The following OSBPL2 variants were observed in gnomAD, a reference collection of about 807,000 sequenced individuals.
OSBPL2 encodes the protein oxysterol binding protein like 2, also known as oxysterol-binding protein-related protein 2.
Under a neutral mutation model 58.4 loss-of-function variants are expected in OSBPL2, and 18 were observed. The ratio of observed to expected loss-of-function variants is 0.31; its 90% CI spans 0.21 to 0.46. The LOEUF (loss-of-function observed/expected upper bound fraction) is 0.46. Among genes scored for constraint, OSBPL2 ranks in the 20% least tolerant of loss-of-function variants. The probability of loss-of-function intolerance (pLI) is 1.00; values close to 1 mark genes in which losing one functional copy is unlikely to be tolerated. For missense variants in OSBPL2, 461 were observed against 616.5 expected (o/e 0.75, Z 2.67); for synonymous variants, 221 against 234.1 (o/e 0.94, Z 0.51).
intron 12 of OSBPL2, among the ~76,000 whole-genome samples, chr20:62,290,407 T>C (rs1031414333): frequency 3.2e-5 from 4 of 125,662 alleles, no homozygotes; most frequent in African/African-American, 1.2e-4. Flanking sequence ...GGCTAATTTT[T>C]TGGGTTTTTT....
intron 12 of OSBPL2, chr20:62,291,131 G>A (rs1983480010): frequency 5.7e-6 from 1 of 176,250 alleles, no homozygotes; most frequent in Non-Finnish European, 1.2e-5. Flanking sequence ...CCTAAGTGCT[G>A]GGATGCAGGC....
intron 1 of OSBPL2, among the ~76,000 whole-genome samples, chr20:62,253,093 A>G (rs906877702): frequency 6.6e-6 from 1 of 152,202 alleles, no homozygotes; most frequent in African/African-American, 2.4e-5. Flanking sequence ...TGGCAGTGTC[A>G]TCTCTCCCCG....
chr20:62,293,885 TGAGGGCCTGG>T lies in OSBPL2; in HGVS notation c.1442_*8del. The T allele has an allele frequency of 6.2e-7, 1 of 1,613,672 alleles. No individual in the cohort carries two copies. ...TTTCTCCGACTGCCCAGATATCTAC[TGAGGGCCTGG>T]AGGGGCCTGGGGCCCGGGACCGGAG... On this transcript the variant is annotated stop_retained_variant and 3_prime_UTR_variant, in exon 14 of 14. Transcript: ENST00000313733.
intron 7 of OSBPL2, chr20:62,280,003 A>G (rs1982679560): frequency 1.5e-6 from 2 of 1,304,096 alleles, no homozygotes; most frequent in Non-Finnish European, 2.0e-6. Flanking sequence ...ATGCTCCCCA[A>G]TCCAGTGTCA....
At chr20:62,261,316 C>CAA (rs11484468) in intron 3 of OSBPL2, among the ~76,000 whole-genome samples, 984 of 85,364 alleles carry the variant, frequency 0.012, 11 homozygotes, top group African/African-American at 0.034. Context: ...ACTCCATCTC[C>CAA]AAAAAAAAAA....
At chr20:62,280,772 G>A (rs541680097) in intron 7 of OSBPL2, among the ~76,000 whole-genome samples, 1 of 152,224 alleles carries the variant, frequency 6.6e-6, no homozygotes. Context: ...TTCTTTTGAC[G>A]ACTTCACAGG....
intron 9 of OSBPL2, among the ~76,000 whole-genome samples, chr20:62,283,559 C>G (rs1982921104): frequency 6.6e-6 from 1 of 152,214 alleles, no homozygotes. Context: ...AACCAAAGAT[C>G]AAGCAAGCAG....
intron 1 of OSBPL2, among the ~76,000 whole-genome samples, chr20:62,254,427 C>G (rs1223586397): frequency 6.6e-6 from 1 of 152,266 alleles, no homozygotes; most frequent in Non-Finnish European, 1.5e-5. Context: ...AGCAACTTCT[C>G]CCGTCTGCAA....
intron 1 of OSBPL2, among the ~76,000 whole-genome samples, chr20:62,248,839 G>A (rs1404620073): frequency 6.6e-6 from 1 of 152,072 alleles, no homozygotes; most frequent in African/African-American, 2.4e-5. Flanking sequence ...TTATAGGCAC[G>A]TGCCACTGTG....
At chr20:62,263,743 G>A (rs1394033940) in intron 4 of OSBPL2, 52 bp downstream of exon 4, 4 of 1,509,278 alleles carry the variant, frequency 2.7e-6, no homozygotes, top group Non-Finnish European at 3.7e-6. Flanking sequence ...TGACTCCTGG[G>A]AAGGTATTGC....
intron 5 of OSBPL2, among the ~76,000 whole-genome samples, 188 bp downstream of exon 5, chr20:62,272,447 C>G (rs889408152): frequency 6.6e-6 from 1 of 152,146 alleles, no homozygotes; most frequent in Non-Finnish European, 1.5e-5. Flanking sequence ...CAGAACTTGC[C>G]GGAAATGCCA....
chr20:62,268,744 A>C (rs1981859013), intron 4 of OSBPL2, among the ~76,000 whole-genome samples: 2 of 152,078 alleles, frequency 1.3e-5, no homozygotes, highest in Admixed American at 6.5e-5. Context: ...GGACTACAGG[A>C]ACCCACCACC....
At chr20:62,259,817 G>A (rs1057232054) in intron 2 of OSBPL2, among the ~76,000 whole-genome samples, 164 bp from the exon 3 acceptor site, 1 of 152,166 alleles carries the variant, frequency 6.6e-6, no homozygotes, top group Non-Finnish European at 1.5e-5. Flanking sequence ...TGTTCTCTCT[G>A]TACCGTGTCT....
chr20:62,244,246 C>G (rs1359189918), intron 1 of OSBPL2, among the ~76,000 whole-genome samples: 1 of 152,246 alleles, frequency 6.6e-6, no homozygotes, highest in African/African-American at 2.4e-5. Context: ...ACCGCGTCCT[C>G]CGCCTGCTGT....
intron 13 of OSBPL2, among the ~76,000 whole-genome samples, chr20:62,292,956 C>T (rs1983619391): frequency 6.6e-6 from 1 of 151,744 alleles, no homozygotes; most frequent in South Asian, 2.1e-4. Context: ...CAAGCTCCGC[C>T]CCTCCGGGTT....
In OSBPL2 at chr20:62,269,454, T is replaced by A. The variant is rs1601176488; in HGVS notation, c.259-2671T>A. Among the ~76,000 whole-genome samples the A allele has an allele frequency of 2.0e-5, 3 of 152,316 alleles. 1 individual carries two copies. The highest frequency in any genetic ancestry group is 2.0e-4 in the Admixed American group (3 of 15,308). ...AGCCCAGTCCCCTCGTGGGGCTGCATCACTGTGCATTTCCACAGCAGCCGG... is the reference window on the plus strand; with the variant it reads ...AGCCCAGTCCCCTCGTGGGGCTGCAACACTGTGCATTTCCACAGCAGCCGG... On this transcript the variant is annotated intron_variant, in intron 4 of 13. Transcript: ENST00000313733. The surrounding 1 kb of genome is among the most constrained non-coding windows in gnomAD (Gnocchi z 4.2).
intron 4 of OSBPL2, among the ~76,000 whole-genome samples, chr20:62,268,216 C>G (rs569126395): frequency 2.6e-5 from 4 of 152,212 alleles, no homozygotes; most frequent in Non-Finnish European, 5.9e-5. Flanking sequence ...CATTTTAAAA[C>G]CACCTGGGTG....
intron 4 of OSBPL2, among the ~76,000 whole-genome samples, chr20:62,265,385 T>TC (rs1981597427): frequency 6.6e-6 from 1 of 152,176 alleles, no homozygotes; most frequent in South Asian, 2.1e-4. Context: ...TAGGTTGGTT[T>TC]CCCCCTTCTG....
chr20:62,261,181 C>T (rs1289945294), intron 3 of OSBPL2, among the ~76,000 whole-genome samples: 1 of 151,826 alleles, frequency 6.6e-6, no homozygotes, highest in Middle Eastern at 3.2e-3. Flanking sequence ...CTGGGCGTGG[C>T]TGTGCGCATC....
Sources: gnomAD v4.1 joint callset for allele counts (sites outside exome capture counted in the v4.1 genomes callset) on GRCh38, gnomAD v4.1.1 for gene constraint, Gnocchi (gnomAD v3.1) non-coding constraint, MANE v1.5 for transcripts, NCBI Gene and HGNC (gene_info 2026-07-23, HGNC 2026-07-21) for gene names.